Variants in FLT1 observed in about 807,000 individuals in gnomAD.
FLT1 encodes the protein fms related receptor tyrosine kinase 1.
FLT1 carries 49 observed loss-of-function variants against 156.3 expected under a neutral mutation model. That is an observed-to-expected ratio of 0.31 (90% confidence interval 0.25 to 0.40). The LOEUF is 0.40. Among genes scored for constraint, FLT1 ranks in the 10% least tolerant of loss-of-function variants. The pLI, the probability that FLT1 is intolerant of heterozygous loss-of-function variation, is 1.00. For missense variants in FLT1, 1,322 were observed against 1,637.2 expected (o/e 0.81, Z 3.32); for synonymous variants, 594 against 583.8 (o/e 1.02, Z -0.25).
At chr13:28,332,986 C>A (rs1593687889) in intron 18 of FLT1, among the ~76,000 whole-genome samples, 1 of 152,196 alleles carries the variant, frequency 6.6e-6, no homozygotes, top group Non-Finnish European at 1.5e-5. Flanking sequence ...CTTGTGGATA[C>A]CAAACTCCTT....
intron 18 of FLT1, among the ~76,000 whole-genome samples, chr13:28,330,043 T>C (rs564861219): frequency 2.6e-5 from 4 of 152,248 alleles, no homozygotes; most frequent in South Asian, 4.1e-4. Context: ...TCCAAAGGCT[T>C]CCCTTCTGTC....
intron 13 of FLT1, chr13:28,389,155 A>T: frequency 9.3e-7 from 1 of 1,071,560 alleles, no homozygotes; most frequent in Non-Finnish European, 1.1e-6. Context: ...GTAAAAAAAA[A>T]AAAAGCATTT....
At chr13:28,356,346 G>A (rs1276436425) in intron 15 of FLT1, among the ~76,000 whole-genome samples, 1 of 152,190 alleles carries the variant, frequency 6.6e-6, no homozygotes, top group Non-Finnish European at 1.5e-5. Flanking sequence ...TTAAAAGACA[G>A]ATTAGCAGCT....
intron 10 of FLT1, among the ~76,000 whole-genome samples, chr13:28,415,319 A>C (rs1396827729): frequency 1.3e-5 from 2 of 152,060 alleles, no homozygotes; most frequent in African/African-American, 4.8e-5. Flanking sequence ...GTCTCTACTA[A>C]AAATACAAAA....
chr13:28,452,856 G>T (rs1319613213), intron 3 of FLT1, among the ~76,000 whole-genome samples: 2 of 151,788 alleles, frequency 1.3e-5, no homozygotes, highest in Admixed American at 1.3e-4. Context: ...CCATTTTAAA[G>T]ATGATGACAA....
intron 27 of FLT1, among the ~76,000 whole-genome samples, chr13:28,309,752 G>A (rs1402646410): frequency 7.0e-6 from 1 of 143,564 alleles, no homozygotes; most frequent in Non-Finnish European, 1.5e-5. Flanking sequence ...TGACACATCT[G>A]CTTCAGCCTC....
intron 10 of FLT1, among the ~76,000 whole-genome samples, chr13:28,420,701 C>T (rs1012243014): frequency 9.2e-5 from 14 of 152,120 alleles, no homozygotes; most frequent in African/African-American, 3.4e-4. Context: ...AAATAATAGA[C>T]ATTCATGTTG....
intron 10 of FLT1, among the ~76,000 whole-genome samples, chr13:28,416,339 C>T: frequency 6.6e-6 from 1 of 152,172 alleles, no homozygotes; most frequent in East Asian, 1.9e-4. Context: ...CTTTTGATGT[C>T]ACCCTACTGG....
At chr13:28,346,933 A>G (rs1872587219) in intron 15 of FLT1, among the ~76,000 whole-genome samples, 1 of 152,152 alleles carries the variant, frequency 6.6e-6, no homozygotes, top group Non-Finnish European at 1.5e-5. Flanking sequence ...GTTTCAATGC[A>G]ACAAAGATGT....
At chr13:28,319,362 C>T (rs1398031735) in intron 24 of FLT1, 61 bp downstream of exon 24, 4 of 1,112,444 alleles carry the variant, frequency 3.6e-6, no homozygotes, top group Non-Finnish European at 5.4e-6. Context: ...AAAGGACATT[C>T]AGCAGAAGAT....
intron 20 of FLT1, among the ~76,000 whole-genome samples, chr13:28,324,828 C>T (rs1438461332): frequency 1.3e-5 from 2 of 152,274 alleles, no homozygotes; most frequent in African/African-American, 2.4e-5. Flanking sequence ...TCTCCAAGGA[C>T]CAAAACTCAG....
chr13:28,342,976 CTTTCTT>C (rs1872399817), intron 16 of FLT1, among the ~76,000 whole-genome samples: 1 of 150,730 alleles, frequency 6.6e-6, no homozygotes, highest in Non-Finnish European at 1.5e-5. Flanking sequence ...CTCTTTCTTT[CTTTCTT>C]TTTCTTTCTT....
chr13:28,308,539 C>A (rs1870848636), intron 28 of FLT1: 3 of 401,938 alleles, frequency 7.5e-6, no homozygotes, highest in Non-Finnish European at 1.4e-5. Context: ...CTCTGTTACT[C>A]TGAAAGCAAA....
At chr13:28,386,313 A>G in intron 13 of FLT1, 9 of 1,029,266 alleles carry the variant, frequency 8.7e-6, no homozygotes, top group Non-Finnish European at 1.1e-5. Context: ...CCAGGTTAAA[A>G]TGTATATTAT....
At chr13:28,428,539 A>T (rs925433315) in intron 8 of FLT1, among the ~76,000 whole-genome samples, 6 of 152,002 alleles carry the variant, frequency 3.9e-5, no homozygotes, top group African/African-American at 1.4e-4. Context: ...TACTGAATCG[A>T]TGCATTGATA....
intron 15 of FLT1, among the ~76,000 whole-genome samples, chr13:28,350,727 G>A (rs765455828): frequency 6.6e-6 from 1 of 152,114 alleles, no homozygotes; most frequent in Admixed American, 6.5e-5. Flanking sequence ...CTTAGGGACC[G>A]AACACAGGTT....
At chr13:28,480,368 A>G (rs1439137008) in intron 1 of FLT1, among the ~76,000 whole-genome samples, 1 of 152,232 alleles carries the variant, frequency 6.6e-6, no homozygotes, top group East Asian at 1.9e-4. Flanking sequence ...AGCATGGACA[A>G]CAGATAAATA....
chr13:28,423,352 T>TTTA (rs1416556654), intron 10 of FLT1, among the ~76,000 whole-genome samples: 1 of 152,208 alleles, frequency 6.6e-6, no homozygotes, highest in African/African-American at 2.4e-5. Context: ...TTCCTTAATT[T>TTTA]TTCTTCTTCT....
At chr13:28,435,544 A>T (rs1877976842) in intron 4 of FLT1, among the ~76,000 whole-genome samples, 1 of 152,222 alleles carries the variant, frequency 6.6e-6, no homozygotes. Flanking sequence ...TATAAAGGAA[A>T]TACCAAACAG....
Sources: gnomAD v4.1 joint callset for allele counts (sites outside exome capture counted in the v4.1 genomes callset) on GRCh38, gnomAD v4.1.1 for gene constraint, MANE v1.5 for transcripts, NCBI Gene and HGNC (gene_info 2026-07-23, HGNC 2026-07-21) for gene names.